The following SEZ6L variants were observed in gnomAD, a reference collection of about 807,000 sequenced individuals.
SEZ6L encodes the protein seizure related 6 homolog like.
A neutral mutation model predicts 106.2 loss-of-function variants in SEZ6L; 37 were observed. The ratio of observed to expected loss-of-function variants is 0.35; its 90% confidence interval spans 0.27 to 0.46. The LOEUF (loss-of-function observed/expected upper bound fraction) is 0.46. Among genes scored for constraint, SEZ6L ranks in the 20% least tolerant of loss-of-function variants. SEZ6L has a pLI of 1.00. For synonymous variants in SEZ6L, 541 were observed against 570.4 expected, an observed-to-expected ratio of 0.95 and a Z score of 0.73; for missense variants, 1,172 against 1,332.8, an observed-to-expected ratio of 0.88 and a Z score of 1.88.
chr22:26,183,000 C>T (rs1021078455), intron 1 of SEZ6L, among the ~76,000 whole-genome samples: 11 of 152,322 alleles, frequency 7.2e-5, no homozygotes, highest in Admixed American at 7.2e-4. Context: ...CTCCACCAGA[C>T]TCCTTCCCTG....
At chr22:26,238,288 T>C (rs1174018117) in intron 1 of SEZ6L, among the ~76,000 whole-genome samples, 1 of 152,260 alleles carries the variant, frequency 6.6e-6, no homozygotes, top group Non-Finnish European at 1.5e-5. Flanking sequence ...ACGGACCCAC[T>C]GTGAGCCACT....
At chr22:26,368,745 T>A (rs1276948226) in intron 13 of SEZ6L, among the ~76,000 whole-genome samples, 1 of 148,986 alleles carries the variant, frequency 6.7e-6, no homozygotes, top group Non-Finnish European at 1.5e-5. Flanking sequence ...TTTATCTACC[T>A]AAAAAAAAAA....
At chr22:26,316,685 A>G (rs1413531672) in intron 9 of SEZ6L, among the ~76,000 whole-genome samples, 2 of 151,960 alleles carry the variant, frequency 1.3e-5, no homozygotes, top group African/African-American at 4.8e-5. Context: ...TACAAAAATT[A>G]GCCAGGCGTG....
intron 1 of SEZ6L, among the ~76,000 whole-genome samples, chr22:26,253,368 CTGA>C (rs1054882493): frequency 3.3e-5 from 5 of 152,122 alleles, no homozygotes; most frequent in Non-Finnish European, 7.4e-5. Flanking sequence ...GCTGCTGCTG[CTGA>C]TGATGATGAT....
intron 12 of SEZ6L, among the ~76,000 whole-genome samples, chr22:26,359,292 A>G (rs896929562): frequency 5.9e-5 from 9 of 152,152 alleles, no homozygotes; most frequent in African/African-American, 2.2e-4. Flanking sequence ...CCTCAGCTCA[A>G]ATTGCAGCTC....
intron 12 of SEZ6L, among the ~76,000 whole-genome samples, chr22:26,360,615 T>C (rs2083584378): frequency 6.6e-6 from 1 of 152,150 alleles, no homozygotes; most frequent in Non-Finnish European, 1.5e-5. Flanking sequence ...CTGCAGGTAA[T>C]ACAGTAGGGA....
intron 9 of SEZ6L, among the ~76,000 whole-genome samples, chr22:26,332,615 GT>G (rs1171922919): frequency 6.6e-6 from 1 of 151,786 alleles, no homozygotes; most frequent in Non-Finnish European, 1.5e-5. Context: ...CCCGGCTAAT[GT>G]TTTTATTTTT....
chr22:26,207,820 C>A (rs950128601), intron 1 of SEZ6L, among the ~76,000 whole-genome samples: 7 of 152,090 alleles, frequency 4.6e-5, no homozygotes, highest in African/African-American at 1.7e-4. Context: ...ATCCACCATC[C>A]TTTATGCTGT....
At chr22:26,361,199 T>A (rs959575846) in intron 12 of SEZ6L, among the ~76,000 whole-genome samples, 1 of 152,072 alleles carries the variant, frequency 6.6e-6, no homozygotes, top group Non-Finnish European at 1.5e-5. Context: ...TAGAAATTTT[T>A]AAAAATATAT....
At chr22:26,314,708 CA>C in intron 9 of SEZ6L, among the ~76,000 whole-genome samples, 1 of 152,336 alleles carries the variant, frequency 6.6e-6, no homozygotes, top group East Asian at 1.9e-4. Flanking sequence ...GCTAGCTCCC[CA>C]AGAGGGTGAC....
chr22:26,198,631 C>T (rs867787788), intron 1 of SEZ6L, among the ~76,000 whole-genome samples: 5 of 152,314 alleles, frequency 3.3e-5, no homozygotes, highest in African/African-American at 9.6e-5. Flanking sequence ...TCTCTGCTTC[C>T]GGGATGGTGC....
intron 16 of SEZ6L, among the ~76,000 whole-genome samples, chr22:26,378,334 T>C (rs563519750): frequency 6.6e-6 from 1 of 152,256 alleles, no homozygotes; most frequent in Admixed American, 6.5e-5. Context: ...CACAGTTATC[T>C]CTAATTGATT....
intron 1 of SEZ6L, among the ~76,000 whole-genome samples, chr22:26,218,597 T>A (rs2078364773): frequency 6.6e-6 from 1 of 152,072 alleles, no homozygotes; most frequent in Non-Finnish European, 1.5e-5. Flanking sequence ...AGGTCAGGAG[T>A]TCAAGACCAG....
At chr22:26,306,361 C>T (rs1479445405) in intron 6 of SEZ6L, among the ~76,000 whole-genome samples, 1 of 152,156 alleles carries the variant, frequency 6.6e-6, no homozygotes, top group African/African-American at 2.4e-5. Context: ...TGGACCTGCC[C>T]CAGCTCAATC....
chr22:26,374,958 G>A (rs2084169551), intron 14 of SEZ6L, among the ~76,000 whole-genome samples: 1 of 152,092 alleles, frequency 6.6e-6, no homozygotes, highest in African/African-American at 2.4e-5. Context: ...ACAGAGAGCT[G>A]TCAGTCCCCA....
chr22:26,380,065 C>G (rs1408309199), intron 16 of SEZ6L, among the ~76,000 whole-genome samples: 3 of 152,198 alleles, frequency 2.0e-5, no homozygotes, highest in African/African-American at 7.2e-5. Flanking sequence ...TGAGCAGAAA[C>G]ACACAAGCAT....
At chr22:26,210,074 A>T (rs1360332337) in intron 1 of SEZ6L, among the ~76,000 whole-genome samples, 1 of 152,146 alleles carries the variant, frequency 6.6e-6, no homozygotes, top group African/African-American at 2.4e-5. Flanking sequence ...TTAGCAAAAA[A>T]TATCATTTGT....
chr22:26,321,133 C>A (rs1569462019), intron 9 of SEZ6L, among the ~76,000 whole-genome samples: 1 of 152,336 alleles, frequency 6.6e-6, no homozygotes, highest in South Asian at 2.1e-4. Flanking sequence ...TTGCTGAGCA[C>A]TTAGGACATC....
At chr22:26,237,853 C>T (rs2078998509) in intron 1 of SEZ6L, among the ~76,000 whole-genome samples, 1 of 152,132 alleles carries the variant, frequency 6.6e-6, no homozygotes. Context: ...TGCTATTTCA[C>T]ATGCCGGCTG....
Sources: gnomAD v4.1 joint callset for allele counts (sites outside exome capture counted in the v4.1 genomes callset) on GRCh38, gnomAD v4.1.1 for gene constraint, MANE v1.5 for transcripts, NCBI Gene and HGNC (gene_info 2026-07-23, HGNC 2026-07-21) for gene names.